CSMD1: variants seen among roughly 807,000 people sequenced by gnomAD.
The protein encoded by CSMD1 is CUB and Sushi multiple domains 1, also known as CUB and sushi domain-containing protein 1.
A neutral mutation model predicts 417.5 loss-of-function variants in CSMD1; 213 were observed. The ratio of observed to expected loss-of-function variants is 0.51; its 90% CI spans 0.46 to 0.57. CSMD1 has a LOEUF of 0.57. CSMD1 is among the 20% of genes least tolerant of loss of function. The pLI, the probability that CSMD1 is intolerant of heterozygous loss-of-function variation, is 0.00. For synonymous variants in CSMD1, 2,862 were observed against 1,736.8 expected (o/e 1.65, Z -16.11); for missense variants, 6,923 against 4,529.7 (o/e 1.53, Z -15.17).
intron 5 of CSMD1, among the ~76,000 whole-genome samples, chr8:3,986,536 C>A (rs1404467257): frequency 6.6e-6 from 1 of 152,148 alleles, no homozygotes; most frequent in Non-Finnish European, 1.5e-5. Context: ...CTCCCATGAT[C>A]AGCAGACCCG....
intron 2 of CSMD1, among the ~76,000 whole-genome samples, chr8:4,550,682 C>A (rs756647457): frequency 1.3e-5 from 2 of 152,120 alleles, no homozygotes; most frequent in South Asian, 4.1e-4. Flanking sequence ...GACAAATATA[C>A]TCTCCTAACT....
At chr8:3,584,290 G>T (rs562636352) in intron 9 of CSMD1, among the ~76,000 whole-genome samples, 1 of 152,148 alleles carries the variant, frequency 6.6e-6, no homozygotes, top group South Asian at 2.1e-4. Context: ...GCAGAGTCTT[G>T]GCGATTACTA....
chr8:3,244,906 G>A (rs989033370), intron 26 of CSMD1, among the ~76,000 whole-genome samples: 1 of 152,170 alleles, frequency 6.6e-6, no homozygotes, highest in Non-Finnish European at 1.5e-5. Flanking sequence ...TCCACCCCAA[G>A]GGCGCTGAGA....
At chr8:4,446,091 C>T (rs536452977) in intron 2 of CSMD1, among the ~76,000 whole-genome samples, 1 of 152,290 alleles carries the variant, frequency 6.6e-6, no homozygotes, top group African/African-American at 2.4e-5. Context: ...GCTCCGTGTT[C>T]ACTGTAGACA....
intron 5 of CSMD1, among the ~76,000 whole-genome samples, chr8:3,978,426 A>G (rs1257203898): frequency 6.6e-6 from 1 of 152,000 alleles, no homozygotes; most frequent in Non-Finnish European, 1.5e-5. Flanking sequence ...TTTTCTATTC[A>G]TACTCTTGGA....
chr8:3,599,322 C>T (rs1801248035), intron 8 of CSMD1, among the ~76,000 whole-genome samples: 1 of 152,116 alleles, frequency 6.6e-6, no homozygotes, highest in Non-Finnish European at 1.5e-5. Flanking sequence ...CTGAGATCTA[C>T]CCTCTTAGCA....
chr8:3,254,364 C>G (rs575711838), intron 26 of CSMD1, among the ~76,000 whole-genome samples: 5 of 152,192 alleles, frequency 3.3e-5, no homozygotes, highest in Non-Finnish European at 5.9e-5. Flanking sequence ...TAGAGTTACT[C>G]TTCTCGAGGG....
At chr8:4,992,726 C>T (rs910413745) in intron 1 of CSMD1, among the ~76,000 whole-genome samples, 7 of 152,228 alleles carry the variant, frequency 4.6e-5, no homozygotes, top group African/African-American at 1.4e-4. Context: ...GCTCAGCAGG[C>T]GCTGCCTCCG....
At chr8:3,789,541 C>G (rs1462291609) in intron 5 of CSMD1, among the ~76,000 whole-genome samples, 2 of 148,220 alleles carry the variant, frequency 1.3e-5, no homozygotes, top group Non-Finnish European at 3.0e-5. Context: ...TACTTTAATA[C>G]TCCAAATTAA....
At chr8:4,848,079 G>C (rs181777204) in intron 1 of CSMD1, among the ~76,000 whole-genome samples, 37 of 152,256 alleles carry the variant, frequency 2.4e-4, no homozygotes, top group Middle Eastern at 3.4e-3. Context: ...TAGACATGCT[G>C]TATGGTTTTG....
At chr8:3,509,726 C>T (rs551727947) in intron 10 of CSMD1, among the ~76,000 whole-genome samples, 3 of 152,130 alleles carry the variant, frequency 2.0e-5, no homozygotes, top group Non-Finnish European at 4.4e-5. Flanking sequence ...TATTAATTAA[C>T]AGAATAATCA....
At chr8:4,812,025 C>G (rs982272487) in intron 1 of CSMD1, among the ~76,000 whole-genome samples, 1 of 152,168 alleles carries the variant, frequency 6.6e-6, no homozygotes, top group Non-Finnish European at 1.5e-5. Context: ...CAGCAGGAGT[C>G]AAGCCCAAGA....
chr8:4,324,185 G>T (rs144848785), intron 3 of CSMD1, among the ~76,000 whole-genome samples: 1 of 152,216 alleles, frequency 6.6e-6, no homozygotes, highest in African/African-American at 2.4e-5. Context: ...AAAAAATATA[G>T]AACAAAGTAA....
At chr8:3,367,378 G>A (rs1275832718) in intron 19 of CSMD1, 131 bp from the exon 20 acceptor site, 4 of 639,096 alleles carry the variant, frequency 6.3e-6, no homozygotes, top group Middle Eastern at 4.1e-4. Context: ...GAGAAAATAA[G>A]AGGGGAAGAC....
Position 4,886,892 on chromosome 8 carries a change from G to A in CSMD1, c.85+107440C>T, listed in dbSNP as rs56788986. On this transcript the variant is annotated intron_variant, in intron 1 of 69. Transcript: ENST00000635120. ...TGCTTTAATTGGAAAGTCTATTTAA[G>A]ACTTTTTAAAAATATTTAGTCGATG... 2.6e-5 allele frequency among the ~76,000 whole-genome samples: 4 copies of A among 151,954 alleles called. No individual in the cohort carries two copies. The East Asian group carries it at 7.7e-4, about 29-fold the overall frequency.
intron 5 of CSMD1, among the ~76,000 whole-genome samples, chr8:3,890,436 G>A (rs1321088499): frequency 2.6e-5 from 4 of 151,928 alleles, no homozygotes; most frequent in African/African-American, 9.7e-5. Context: ...AGCTCGCAGT[G>A]TCTTGGAGGA....
intron 1 of CSMD1, among the ~76,000 whole-genome samples, chr8:4,697,575 C>A (rs1426108344): frequency 3.9e-5 from 6 of 152,056 alleles, no homozygotes; most frequent in South Asian, 4.1e-4. Flanking sequence ...TTGTAGTATT[C>A]AAGTGACTAT....
At chr8:4,942,960 A>G (rs13254311) in intron 1 of CSMD1, among the ~76,000 whole-genome samples, 40,099 of 152,088 alleles carry the variant, frequency 0.26, 6,499 homozygotes, top group East Asian at 0.4. Context: ...CAGGATTGAG[A>G]TAGCTTAAGG....
At chr8:3,399,363 T>A in intron 16 of CSMD1, 28 bp downstream of exon 16, 1 of 1,577,980 alleles carries the variant, frequency 6.3e-7, no homozygotes, top group Non-Finnish European at 8.6e-7. Flanking sequence ...CACCATTGGG[T>A]CCAAATGAAG....
Sources: allele counts gnomAD v4.1 joint callset (sites outside exome capture counted in the v4.1 genomes callset), GRCh38; gene constraint gnomAD v4.1.1; transcripts MANE v1.5; gene names NCBI Gene and HGNC (gene_info 2026-07-23, HGNC 2026-07-21).